The following EPB41L3 variants were observed in gnomAD, a reference collection of about 807,000 sequenced individuals.
The protein encoded by EPB41L3 is erythrocyte membrane protein band 4.1 like 3.
In EPB41L3, 57 loss-of-function variants were observed where a neutral mutation model predicts 127.1. That is an observed-to-expected ratio of 0.45 (90% CI 0.36 to 0.56). The LOEUF (loss-of-function observed/expected upper bound fraction) is 0.56, where lower values mean the gene tolerates loss of function less well. EPB41L3 is among the 20% of genes least tolerant of loss of function. The pLI is 0.00. For synonymous variants in EPB41L3, 572 were observed against 549.5 expected, an observed-to-expected ratio of 1.04 and a Z score of -0.57; for missense variants, 1,273 against 1,372.2, an observed-to-expected ratio of 0.93 and a Z score of 1.14.
chr18:5,578,983 T>C (rs11664536), intron 3 of EPB41L3, among the ~76,000 whole-genome samples: 16,657 of 152,130 alleles, frequency 0.11, 1,035 homozygotes, highest in South Asian at 0.17. Flanking sequence ...CCCTCCACAA[T>C]AGCAAAATCG....
intron 14 of EPB41L3, among the ~76,000 whole-genome samples, chr18:5,408,262 T>A (rs988781702): frequency 4.5e-5 from 3 of 67,158 alleles, no homozygotes; most frequent in Non-Finnish European, 1.2e-4. Context: ...CTTGATTTTC[T>A]TTTCTTTTTT....
intron 1 of EPB41L3, among the ~76,000 whole-genome samples, chr18:5,523,989 ATATATATGTGTGTG>A (rs1343778902): frequency 6.6e-6 from 1 of 152,126 alleles, no homozygotes; most frequent in Non-Finnish European, 1.5e-5. Flanking sequence ...TTATATATAC[ATATATATGTGTGTG>A]TATATATGTG....
chr18:5,544,278 C>A, upstream of EPB41L3: 1 of 985,554 alleles, frequency 1.0e-6, no homozygotes, highest in Non-Finnish European at 1.2e-6. Flanking sequence ...AGCTTTAGCC[C>A]TTTATTCCCA....
In EPB41L3 at chr18:5,520,728, G is replaced by T. The variant is rs1343118488; in HGVS notation, c.-12+23185C>A. On this transcript the variant is annotated intron_variant, in intron 1 of 22. Coordinates refer to ENST00000341928, the MANE Select transcript of EPB41L3 (RefSeq NM_012307.5). ...ATTAAATCAGCAGAACAGAGGCACTGCCAGGGAGACCTCAACTCCCACCCA... is the reference window on the plus strand; with the variant it reads ...ATTAAATCAGCAGAACAGAGGCACTTCCAGGGAGACCTCAACTCCCACCCA... Among the ~76,000 whole-genome samples, 7 of 152,288 alleles carry T rather than the reference G, an allele frequency of 4.6e-5. No individual in the cohort carries two copies. In the East Asian group the frequency reaches 1.3e-3, roughly 29 times the overall value.
chr18:5,449,654 A>G (rs1216864322), intron 3 of EPB41L3, among the ~76,000 whole-genome samples: 2 of 152,248 alleles, frequency 1.3e-5, no homozygotes, highest in African/African-American at 4.8e-5. Flanking sequence ...GATAAAAGAA[A>G]AAATGAGCTA....
intron 1 of EPB41L3, among the ~76,000 whole-genome samples, chr18:5,623,224 A>C (rs2094885152): frequency 6.6e-6 from 1 of 152,200 alleles, no homozygotes; most frequent in Non-Finnish European, 1.5e-5. Context: ...TGGATAGCCA[A>C]CATCTTTTCC....
At chr18:5,469,293 C>G (rs1568313588) in intron 3 of EPB41L3, among the ~76,000 whole-genome samples, 1 of 152,222 alleles carries the variant, frequency 6.6e-6, no homozygotes, top group Non-Finnish European at 1.5e-5. Flanking sequence ...TTTCTGGCAT[C>G]TCCAAGCTTC....
Position 5,543,740 on chromosome 18 carries a change from G to T in EPB41L3, c.-12+173C>A, listed in dbSNP as rs2093817629. On this transcript the variant is annotated intron_variant, in intron 1 of 22. Coordinates refer to ENST00000341928, the MANE Select transcript of EPB41L3 (RefSeq NM_012307.5). The surrounding 1 kb of genome is among the most constrained non-coding windows in gnomAD (Gnocchi z 5.2). ...CCCGGCGAGCGGGAGGGCGGTTGGG[G>T]ACCCCGGCCGCGCCGGGCGCGGGGC... Among the ~76,000 whole-genome samples, 1 of 148,012 alleles carries T rather than the reference G, an allele frequency of 6.8e-6. No homozygotes were observed. The highest frequency in any genetic ancestry group is 1.5e-5 in the Non-Finnish European group (1 of 66,624).
At chr18:5,566,243 A>G (rs1316484408) in intron 3 of EPB41L3, among the ~76,000 whole-genome samples, 2 of 152,228 alleles carry the variant, frequency 1.3e-5, no homozygotes, top group African/African-American at 4.8e-5. Context: ...AATCTCCTTA[A>G]GCTGATAGGC....
intron 2 of EPB41L3, 21 bp downstream of exon 2, chr18:5,488,980 A>G (rs751775309): frequency 3.2e-6 from 5 of 1,565,118 alleles, no homozygotes; most frequent in Admixed American, 3.7e-5. Context: ...CTGCGTCATT[A>G]GTTTTCTGGC....
chr18:5,451,619 C>T (rs560027715), intron 3 of EPB41L3, among the ~76,000 whole-genome samples: 3 of 152,344 alleles, frequency 2.0e-5, no homozygotes, highest in African/African-American at 7.2e-5. Flanking sequence ...TTTCACAGGG[C>T]CTCTTTCTTT....
chr18:5,474,761 G>C (rs1258247818), intron 3 of EPB41L3, among the ~76,000 whole-genome samples: 1 of 152,124 alleles, frequency 6.6e-6, no homozygotes, highest in African/African-American at 2.4e-5. Context: ...CTTTCAGTCT[G>C]GTTTCTTTGT....
chr18:5,547,958 T>C (rs2093908036), upstream of EPB41L3, among the ~76,000 whole-genome samples: 1 of 152,142 alleles, frequency 6.6e-6, no homozygotes, highest in East Asian at 1.9e-4. Flanking sequence ...AACATGAAAA[T>C]TGAAGAAATA....
chr18:5,544,226 A>G, upstream of EPB41L3: 4 of 985,750 alleles, frequency 4.1e-6, no homozygotes, highest in Non-Finnish European at 4.8e-6. Context: ...GCGCAGGGTC[A>G]GGCTCCGCGG....
chr18:5,534,550 T>G (rs560989678), intron 1 of EPB41L3, among the ~76,000 whole-genome samples: 5 of 152,318 alleles, frequency 3.3e-5, no homozygotes, highest in African/African-American at 1.2e-4. Context: ...TTTGCAAACC[T>G]CTACTGTTAT....
chr18:5,523,575 G>C (rs2093086705), intron 1 of EPB41L3, among the ~76,000 whole-genome samples: 1 of 152,140 alleles, frequency 6.6e-6, no homozygotes, highest in Non-Finnish European at 1.5e-5. Context: ...AAAGCGGGCG[G>C]ATCACCTGAG....
At chr18:5,473,646 G>A (rs77352208) in intron 3 of EPB41L3, among the ~76,000 whole-genome samples, 6,588 of 152,024 alleles carry the variant, frequency 0.043, 317 homozygotes, top group East Asian at 0.25. Context: ...TAAATGAGAT[G>A]AGTGAGAGGA....
intron 6 of EPB41L3, among the ~76,000 whole-genome samples, chr18:5,436,992 A>T (rs2079938686): frequency 1.3e-5 from 2 of 152,222 alleles, no homozygotes; most frequent in African/African-American, 4.8e-5. Context: ...TTACACAGAA[A>T]ATTCTGCATA....
chr18:5,540,641 A>C, intron 1 of EPB41L3: 1 of 703,784 alleles, frequency 1.4e-6, no homozygotes. Flanking sequence ...AGATGCAGCG[A>C]TTGCACGATT....
Sources: allele counts gnomAD v4.1 joint callset (sites outside exome capture counted in the v4.1 genomes callset), GRCh38; gene constraint gnomAD v4.1.1; non-coding constraint Gnocchi (gnomAD v3.1); transcripts MANE v1.5; gene names NCBI Gene and HGNC (gene_info 2026-07-23, HGNC 2026-07-21).